The following IRF4 variants were observed in gnomAD, a reference collection of about 807,000 sequenced individuals.
The protein encoded by IRF4 is interferon regulatory factor 4.
In IRF4, 13 loss-of-function variants were observed where a neutral mutation model predicts 55.5. That is an observed-to-expected ratio of 0.23 (90% CI 0.15 to 0.37). The LOEUF (loss-of-function observed/expected upper bound fraction) is 0.37, where lower values mean the gene tolerates loss of function less well. IRF4 is among the 10% of genes least tolerant of loss of function. IRF4 has a pLI of 1.00. For synonymous variants in IRF4, 249 were observed against 240.7 expected, an observed-to-expected ratio of 1.03 and a Z score of -0.32; for missense variants, 397 against 593.8, an observed-to-expected ratio of 0.67 and a Z score of 3.44.
chr6:396,539 C>G (rs143703528), intron 4 of IRF4, among the ~76,000 whole-genome samples: 1 of 151,878 alleles, frequency 6.6e-6, no homozygotes, highest in African/African-American at 2.4e-5. Context: ...GAGCACCCCC[C>G]GTCTCAATGC....
At chr6:402,421 A>T (rs1026544314) in intron 7 of IRF4, among the ~76,000 whole-genome samples, 4 of 149,820 alleles carry the variant, frequency 2.7e-5, no homozygotes, top group Admixed American at 1.3e-4. Context: ...GGGGCTGTCC[A>T]GGTGGAGGGA....
Position 401,500 on chromosome 6 carries a change from C to T in IRF4, c.822C>T (p.Cys274=), listed in dbSNP as rs1275017001. The T allele has an allele frequency of 1.2e-6, 2 of 1,613,970 alleles. No individual in the cohort carries two copies. The highest frequency in any genetic ancestry group is 1.7e-6 in the Non-Finnish European group (2 of 1,180,032). The change falls in exon 7 of 9, where the codon TGC becomes TGT. Residue 274 remains cysteine, a synonymous_variant. Transcript: ENST00000380956. ...TGACCACGTCCAGCCCCGAGGGCTG[C>T]CGGATCTCCCATGGACATACGTATG... is the stretch of plus-strand genomic sequence containing the variant. ...KELTTSSPEG[C]RISHGHTYDA... is the part of the protein sequence containing the mutation.
Position 405,063 on chromosome 6 carries a change from A to G in IRF4, c.1145A>G (p.Gln382Arg), listed in dbSNP as rs1413303208. 2.5e-6 allele frequency: 4 copies of G among 1,613,972 alleles called. No individual in the cohort carries two copies. The African/African-American group carries it at 5.3e-5, about 22-fold the overall frequency. ...CACGGCCGCTCCCTGCCAAGATTCC[A>G]GGTGACTCTATGCTTTGGAGAGGAG... ...AHHGRSLPRF[Q>R]VTLCFGEEFP... is the part of the protein sequence containing the mutation. The change falls in exon 8 of 9, where the codon CAG (glutamine) becomes CGG (arginine). Residue 382 changes from glutamine (Q) to arginine (R), a missense_variant. By Grantham distance (43) the Gln-to-Arg change is conservative (BLOSUM62 1). Coordinates refer to ENST00000380956, the MANE Select transcript of IRF4 (RefSeq NM_002460.4).
At chr6:394,318 C>G (rs2127436700) in intron 2 of IRF4, among the ~76,000 whole-genome samples, 1 of 152,304 alleles carries the variant, frequency 6.6e-6, no homozygotes, top group East Asian at 1.9e-4. Flanking sequence ...GAAAATGTGT[C>G]TTCAACTTGG....
rs192541567 is a variant in IRF4 at position 391,784 on chromosome 6, G to T, written c.-81G>T. Reference sequence around the variant, plus strand: ...CCGCTCGATCTTGGGACCCACCGCTGCCCTCAGCTCCGAGTCCAGGGCGAG... The same window carrying T: ...CCGCTCGATCTTGGGACCCACCGCTTCCCTCAGCTCCGAGTCCAGGGCGAG... On this transcript the variant is annotated 5_prime_UTR_variant, in exon 1 of 9. Transcript: ENST00000380956. 46 of 455,774 alleles carry T rather than the reference G, an allele frequency of 1.0e-4. No individual in the cohort carries two copies. The highest frequency in any genetic ancestry group is 6.2e-4 in the South Asian group (40 of 64,550). The allele number at this position is 455,774 out of a possible 1,614,324, so 28.2% of individuals were successfully genotyped here.
In IRF4 at chr6:395,882, T is replaced by C; in HGVS notation, c.439T>C (p.Ser147Pro). 1 of 1,613,910 alleles carries C rather than the reference T, an allele frequency of 6.2e-7. No homozygotes were observed. The highest frequency in any genetic ancestry group is 8.5e-7 in the Non-Finnish European group (1 of 1,179,912). The change falls in exon 4 of 9, where the codon TCC (serine) becomes CCC (proline). Residue 147 changes from serine to proline, a missense_variant. Ser to Pro is a moderately conservative substitution (Grantham distance 74). Coordinates refer to ENST00000380956, the MANE Select transcript of IRF4 (RefSeq NM_002460.4). Reference sequence around the variant, plus strand: ...GCTCACCCTGGAGGACCCGCAGATGTCCATGAGCCACCCCTACACCATGAC... The same window carrying C: ...GCTCACCCTGGAGGACCCGCAGATGCCCATGAGCCACCCCTACACCATGAC... ...KQLTLEDPQM[S>P]MSHPYTMTTP...
At chr6:404,349 G>T (rs1272296400) in intron 7 of IRF4, among the ~76,000 whole-genome samples, 1 of 152,200 alleles carries the variant, frequency 6.6e-6, no homozygotes, top group African/African-American at 2.4e-5. Context: ...CCACAAGCGG[G>T]AGGCCAGGGG....
chr6:403,873 C>G (rs1761473506), intron 7 of IRF4, among the ~76,000 whole-genome samples: 1 of 152,044 alleles, frequency 6.6e-6, no homozygotes, highest in South Asian at 2.1e-4. Context: ...TCTGATTAGC[C>G]TGTGTAGGTG....
Position 410,773 on chromosome 6 carries a change from T to C in IRF4, c.*3175T>C. ...CCCCACTTCCCCACAGGTGAAAGTT[T>C]TTCTGAAAGTGTTGGGATTGGTTAA... On this transcript the variant is annotated 3_prime_UTR_variant, in exon 9 of 9. Transcript: ENST00000380956. 1 of 232,240 alleles carries C rather than the reference T, an allele frequency of 4.3e-6. No individual in the cohort carries two copies. Among genetic ancestry groups the C allele is most frequent in the Non-Finnish European group, 8.5e-6 (1 of 117,288 alleles). The allele number at this position is 232,240 out of a possible 1,614,324, so 14.4% of individuals were successfully genotyped here. A position where few individuals can be genotyped will look rare whatever the true frequency, so the allele number is the denominator to read the frequency against.
At position 394,784 on chromosome 6, in the gene IRF4, A is replaced by T. The variant is rs367593784; in HGVS notation, c.217-37A>T. ...AAGAAAGCTAATAAACCAGACATGT[A>T]TTTTGACTTTTCGTTCTCTTCATTC... On this transcript the variant is annotated intron_variant, in intron 2 of 8. Transcript: ENST00000380956. The T allele has an allele frequency of 3.5e-5, 55 of 1,584,896 alleles. 1 individual carries two copies. The East Asian group carries it at 1.2e-3, about 35-fold the overall frequency.
intron 1 of IRF4, among the ~76,000 whole-genome samples, chr6:392,605 C>T (rs1278981267): frequency 6.6e-6 from 1 of 152,244 alleles, no homozygotes; most frequent in Non-Finnish European, 1.5e-5. Context: ...TGGAGGAACC[C>T]GGGGCTGCGC....
intron 1 of IRF4, among the ~76,000 whole-genome samples, chr6:392,206 C>T (rs1761121240): frequency 6.6e-6 from 1 of 152,264 alleles, no homozygotes; most frequent in Non-Finnish European, 1.5e-5. Flanking sequence ...CAATCCGAGG[C>T]TCCTTCCCCT....
At chr6:396,430 A>G (rs1014444654) in intron 4 of IRF4, among the ~76,000 whole-genome samples, 2 of 152,212 alleles carry the variant, frequency 1.3e-5, no homozygotes, top group Non-Finnish European at 2.9e-5. Context: ...GAGTGTTTTC[A>G]CTTAGTCTGA....
In IRF4 at chr6:395,906, A is replaced by T; in HGVS notation, c.463A>T (p.Thr155Ser). 1 of 1,613,752 alleles carries T rather than the reference A, an allele frequency of 6.2e-7. No homozygotes were observed. Among genetic ancestry groups the T allele is most frequent in the Non-Finnish European group, 8.5e-7 (1 of 1,179,816 alleles). Reference sequence around the variant, plus strand: ...GTCCATGAGCCACCCCTACACCATGACAACGCCTTACCCTTCGCTCCCAGC... The same window carrying T: ...GTCCATGAGCCACCCCTACACCATGTCAACGCCTTACCCTTCGCTCCCAGC... ...QMSMSHPYTM[T>S]TPYPSLPAQQ... is the part of the protein sequence containing the mutation. The change falls in exon 4 of 9, where the codon ACA becomes TCA. Residue 155 changes from threonine to serine, a missense_variant. Physicochemically the swap from Thr to Ser is moderately conservative, Grantham distance 58. Coordinates refer to ENST00000380956, the MANE Select transcript of IRF4 (RefSeq NM_002460.4).
intron 7 of IRF4, among the ~76,000 whole-genome samples, chr6:402,429 G>A (rs1761427863): frequency 6.6e-6 from 1 of 152,090 alleles, no homozygotes; most frequent in Admixed American, 6.6e-5. Context: ...CCAGGTGGAG[G>A]GAGCCTCCCG....
intron 6 of IRF4, among the ~76,000 whole-genome samples, chr6:399,515 A>AG: frequency 6.6e-6 from 1 of 151,960 alleles, no homozygotes; most frequent in South Asian, 2.1e-4. Context: ...AAAAAAAAAA[A>AG]AAATCCCTGC....
rs1761575235 is a variant in IRF4, at chr6:407,498, A to C, written c.1256A>C (p.Gln419Pro). The C allele has an allele frequency of 3.1e-6, 5 of 1,612,328 alleles. No individual in the cohort carries two copies. The highest frequency in any genetic ancestry group is 3.4e-6 in the Non-Finnish European group (4 of 1,179,364). Residue 419 changes from glutamine (Q) to proline (P), a missense_variant, in exon 9 of 9, where the codon CAA (glutamine) becomes CCA (proline). Physicochemically the swap from Gln to Pro is moderately conservative, Grantham distance 76. Transcript: ENST00000380956. The part of the protein sequence containing the change: ...LARQLYYFAQ[Q>P]NSGHFLRGYD... ...AGACAACTATATTATTTTGCTCAACAAAACAGTGGACATTTCCTGAGGGGC... is the reference window on the plus strand; with the variant it reads ...AGACAACTATATTATTTTGCTCAACCAAACAGTGGACATTTCCTGAGGGGC...
intron 7 of IRF4, among the ~76,000 whole-genome samples, chr6:402,658 C>T (rs552006091): frequency 6.6e-6 from 1 of 152,254 alleles, no homozygotes; most frequent in Non-Finnish European, 1.5e-5. Context: ...TGTGCTCGTA[C>T]TTCTGGGTGT....
At chr6:401,342 A>G (rs1761392952) in intron 6 of IRF4, 82 bp from the exon 7 acceptor site, 3 of 1,039,090 alleles carry the variant, frequency 2.9e-6, no homozygotes, top group African/African-American at 3.2e-5. Context: ...GTTCCACCAC[A>G]GGTGCTTGGC....
Sources: allele counts gnomAD v4.1 joint callset (sites outside exome capture counted in the v4.1 genomes callset), GRCh38; gene constraint gnomAD v4.1.1; transcripts MANE v1.5; gene names NCBI Gene and HGNC (gene_info 2026-07-23, HGNC 2026-07-21).